The following PKN2 variants were observed in gnomAD, a reference collection of about 807,000 sequenced individuals.
PKN2 encodes the protein serine/threonine-protein kinase N2.
PKN2 carries 38 observed loss-of-function variants against 119.1 expected under a neutral mutation model. The observed-to-expected ratio is 0.32, with a 90% CI of 0.25 to 0.42. The LOEUF (loss-of-function observed/expected upper bound fraction) is 0.42, where lower values mean the gene tolerates loss of function less well. PKN2 is among the 10% of genes least tolerant of loss of function. PKN2 has a pLI of 1.00. For missense variants in PKN2, 850 were observed against 1,165.1 expected (o/e 0.73, Z 3.94); for synonymous variants, 390 against 384.9 (o/e 1.01, Z -0.15).
At chr1:88,822,816 G>A (rs1385513194) in intron 17 of PKN2, among the ~76,000 whole-genome samples, 2 of 152,070 alleles carry the variant, frequency 1.3e-5, no homozygotes, top group Non-Finnish European at 2.9e-5. Flanking sequence ...CTGACCTCAG[G>A]TGACTACCCG....
At chr1:88,799,175 CAT>C (rs1487666667) in intron 8 of PKN2, among the ~76,000 whole-genome samples, 1 of 152,176 alleles carries the variant, frequency 6.6e-6, no homozygotes. Flanking sequence ...CAGTTTCTAT[CAT>C]AGTTGTTTTT....
At chr1:88,688,046 C>CT (rs1320185027) in intron 1 of PKN2, among the ~76,000 whole-genome samples, 6 of 151,530 alleles carry the variant, frequency 4.0e-5, no homozygotes, top group Admixed American at 1.3e-4. Context: ...CATTGTGTGT[C>CT]TGAGTTTGAA....
At chr1:88,709,749 T>C (rs1052863051) in intron 1 of PKN2, among the ~76,000 whole-genome samples, 1 of 152,224 alleles carries the variant, frequency 6.6e-6, no homozygotes, top group Non-Finnish European at 1.5e-5. Flanking sequence ...AATTGTGTAT[T>C]ACTCCCTCTT....
intron 2 of PKN2, among the ~76,000 whole-genome samples, chr1:88,756,200 A>G (rs1487652260): frequency 1.3e-5 from 2 of 152,152 alleles, no homozygotes; most frequent in Admixed American, 1.3e-4. Flanking sequence ...CCGGCCGGAT[A>G]TTTCAATATC....
At chr1:88,782,507 T>G (rs778353293) in intron 6 of PKN2, among the ~76,000 whole-genome samples, 2 of 152,160 alleles carry the variant, frequency 1.3e-5, no homozygotes, top group Non-Finnish European at 2.9e-5. Flanking sequence ...GTTCTTTGTT[T>G]ATTCTCAAGT....
At chr1:88,804,298 A>G (rs745635446) in intron 8 of PKN2, 93 bp from the exon 9 acceptor site, 27 of 1,005,758 alleles carry the variant, frequency 2.7e-5, no homozygotes, top group Middle Eastern at 4.5e-4. Flanking sequence ...TGTTTATTGT[A>G]TTTGTATTTC....
At chr1:88,748,498 G>T (rs1436084321) in intron 2 of PKN2, among the ~76,000 whole-genome samples, 1 of 152,126 alleles carries the variant, frequency 6.6e-6, no homozygotes, top group Non-Finnish European at 1.5e-5. Flanking sequence ...GAACGTTAGG[G>T]TGGTTTTCCA....
At chr1:88,688,387 A>G (rs1666191909) in intron 1 of PKN2, among the ~76,000 whole-genome samples, 2 of 151,960 alleles carry the variant, frequency 1.3e-5, no homozygotes, top group Admixed American at 6.6e-5. Flanking sequence ...GCCCGGCGCC[A>G]CTACACCATT....
intron 1 of PKN2, among the ~76,000 whole-genome samples, chr1:88,693,830 A>G (rs1666422140): frequency 6.6e-6 from 1 of 152,204 alleles, no homozygotes; most frequent in Non-Finnish European, 1.5e-5. Context: ...GTGAGGACTT[A>G]CTGTAATTGC....
intron 19 of PKN2, among the ~76,000 whole-genome samples, chr1:88,830,584 CAT>C (rs953798353): frequency 3.3e-4 from 50 of 151,952 alleles, no homozygotes; most frequent in Middle Eastern, 3.2e-3. Flanking sequence ...TTAGAGATGA[CAT>C]GTGCAAAATA....
At chr1:88,702,627 G>A (rs1254534774) in intron 1 of PKN2, among the ~76,000 whole-genome samples, 1 of 152,044 alleles carries the variant, frequency 6.6e-6, no homozygotes, top group African/African-American at 2.4e-5. Context: ...TTTTTTACTT[G>A]GAATAATGCA....
At chr1:88,738,180 CA>C (rs71793968) in intron 1 of PKN2, among the ~76,000 whole-genome samples, 16,943 of 131,420 alleles carry the variant, frequency 0.13, 1,971 homozygotes, top group African/African-American at 0.32. Flanking sequence ...AACAAACAAA[CA>C]AAAAAAAACC....
intron 8 of PKN2, among the ~76,000 whole-genome samples, chr1:88,799,645 A>G (rs1384276163): frequency 6.6e-6 from 1 of 152,164 alleles, no homozygotes; most frequent in Non-Finnish European, 1.5e-5. Flanking sequence ...GCATTCATCT[A>G]TGGCCACCAA....
chr1:88,732,134 C>A (rs1053710545), intron 1 of PKN2, among the ~76,000 whole-genome samples: 7 of 152,064 alleles, frequency 4.6e-5, no homozygotes, highest in African/African-American at 1.7e-4. Flanking sequence ...GGTTAAGTAG[C>A]AGATATAATG....
intron 8 of PKN2, among the ~76,000 whole-genome samples, chr1:88,791,381 G>A (rs779206728): frequency 6.7e-6 from 1 of 150,100 alleles, no homozygotes; most frequent in Non-Finnish European, 1.5e-5. Context: ...AGGTTGCAGT[G>A]AGCTGAGATT....
chr1:88,760,407 G>C, intron 3 of PKN2, 31 bp downstream of exon 3: 1 of 1,239,590 alleles, frequency 8.1e-7, no homozygotes, highest in Non-Finnish European at 1.1e-6. Flanking sequence ...TAACTATATA[G>C]TCAGTCATTA....
chr1:88,744,995 T>A (rs1173032850), intron 2 of PKN2, among the ~76,000 whole-genome samples: 1 of 152,216 alleles, frequency 6.6e-6, no homozygotes, highest in Non-Finnish European at 1.5e-5. Flanking sequence ...TTAAAGATGA[T>A]CATATGATTT....
intron 3 of PKN2, among the ~76,000 whole-genome samples, chr1:88,763,607 C>CAAAAA (rs34763457): frequency 3.5e-4 from 36 of 103,370 alleles, no homozygotes; most frequent in African/African-American, 9.5e-4. Context: ...AACTCCATCT[C>CAAAAA]AAAAAAAAAA....
At chr1:88,750,969 A>AT (rs1668964247) in intron 2 of PKN2, among the ~76,000 whole-genome samples, 1 of 152,162 alleles carries the variant, frequency 6.6e-6, no homozygotes, top group Non-Finnish European at 1.5e-5. Flanking sequence ...TAGAATTCAG[A>AT]TTCAGTGCTG....
Sources: allele counts gnomAD v4.1 joint callset (sites outside exome capture counted in the v4.1 genomes callset), GRCh38; gene constraint gnomAD v4.1.1; transcripts MANE v1.5; gene names NCBI Gene and HGNC (gene_info 2026-07-23, HGNC 2026-07-21).